SEMA5A: variants seen among roughly 807,000 people sequenced by gnomAD.
SEMA5A encodes semaphorin-5A.
A neutral mutation model predicts 135.5 loss-of-function variants in SEMA5A; 55 were observed. The ratio of observed to expected loss-of-function variants is 0.41; its 90% CI spans 0.33 to 0.51. The LOEUF is 0.51. Ranked by LOEUF, SEMA5A falls within the 20% of genes least tolerant of loss-of-function variation. The pLI, the probability that SEMA5A is intolerant of heterozygous loss-of-function variation, is 0.37. For synonymous variants in SEMA5A, 580 were observed against 546.5 expected, an observed-to-expected ratio of 1.06 and a Z score of -0.85; for missense variants, 1,290 against 1,419.9, an observed-to-expected ratio of 0.91 and a Z score of 1.47.
At chr5:9,383,143 A>C (rs936299062) in intron 2 of SEMA5A, among the ~76,000 whole-genome samples, 1 of 152,240 alleles carries the variant, frequency 6.6e-6, no homozygotes, top group Non-Finnish European at 1.5e-5. Context: ...CATTAAAACT[A>C]TGAGTTTCAC....
chr5:9,412,591 ATTTTTTT>A (rs201599831), intron 2 of SEMA5A, among the ~76,000 whole-genome samples: 1 of 110,362 alleles, frequency 9.1e-6, no homozygotes, highest in Non-Finnish European at 1.8e-5. Flanking sequence ...CAGATTTTGC[ATTTTTTT>A]TTTTTTTTTT....
At chr5:9,429,556 C>A (rs1328797472) in intron 2 of SEMA5A, among the ~76,000 whole-genome samples, 1 of 152,102 alleles carries the variant, frequency 6.6e-6, no homozygotes, top group Non-Finnish European at 1.5e-5. Context: ...AGCAATAAAG[C>A]AGAAAAGGAA....
intron 2 of SEMA5A, among the ~76,000 whole-genome samples, chr5:9,405,712 G>A (rs1291221179): frequency 6.6e-6 from 1 of 152,166 alleles, no homozygotes; most frequent in African/African-American, 2.4e-5. Flanking sequence ...CACAGCTAAT[G>A]GCCAATAATC....
At chr5:9,317,919 C>T (rs1752462338) in intron 5 of SEMA5A, among the ~76,000 whole-genome samples, 1 of 152,130 alleles carries the variant, frequency 6.6e-6, no homozygotes, top group Non-Finnish European at 1.5e-5. Context: ...ATCTATTTCC[C>T]TTTATTCTTT....
At chr5:9,064,861 A>G (rs1737379529) in intron 17 of SEMA5A, among the ~76,000 whole-genome samples, 2 of 152,192 alleles carry the variant, frequency 1.3e-5, no homozygotes, top group South Asian at 4.1e-4. Context: ...GATAACTGAA[A>G]CTTGCATTTA....
intron 16 of SEMA5A, among the ~76,000 whole-genome samples, chr5:9,098,736 C>T (rs535018335): frequency 2.5e-4 from 38 of 152,172 alleles, no homozygotes; most frequent in Non-Finnish European, 3.4e-4. Flanking sequence ...TAAATTGTGG[C>T]CATTTAGTAG....
At chr5:9,168,256 C>T (rs1397835034) in intron 11 of SEMA5A, among the ~76,000 whole-genome samples, 3 of 152,120 alleles carry the variant, frequency 2.0e-5, no homozygotes, top group African/African-American at 7.2e-5. Context: ...TCCCTGAGAC[C>T]GTGATTTGGG....
chr5:9,336,762 C>T (rs535861324), intron 4 of SEMA5A, among the ~76,000 whole-genome samples: 2 of 152,182 alleles, frequency 1.3e-5, no homozygotes, highest in African/African-American at 4.8e-5. Context: ...ATCTAGAGTG[C>T]CCAGACTATA....
At chr5:9,370,631 G>T (rs1579428253) in intron 3 of SEMA5A, among the ~76,000 whole-genome samples, 2 of 152,182 alleles carry the variant, frequency 1.3e-5, no homozygotes, top group African/African-American at 2.4e-5. Flanking sequence ...CAAATTTAAA[G>T]TGTTGATTAA....
rs1735947123 is a variant in SEMA5A, at chr5:9,041,181, A to AACAATATTCATTATTAAACATAGAAT, written c.*1690_*1715dup. Reference sequence around the variant, plus strand: ...GGGTATATGAGAATATTTTGAACTCAACAATATTCATTATTAAACATAGAA... The same window carrying AACAATATTCATTATTAAACATAGAAT: ...GGGTATATGAGAATATTTTGAACTCAACAATATTCATTATTAAACATAGAATACAATATTCATTATTAAACATAGAA... On this transcript the variant is annotated 3_prime_UTR_variant, in exon 23 of 23. Transcript: ENST00000382496. 1 of 152,242 alleles carries AACAATATTCATTATTAAACATAGAAT rather than the reference A, an allele frequency of 6.6e-6. No homozygotes were observed. The highest frequency in any genetic ancestry group is 2.4e-5 in the African/African-American group (1 of 41,458). 9.4% of individuals were successfully genotyped at this position (152,242 alleles called of 1,614,324 possible).
At chr5:9,484,322 C>T (rs1193695550) in intron 1 of SEMA5A, among the ~76,000 whole-genome samples, 1 of 152,150 alleles carries the variant, frequency 6.6e-6, no homozygotes, top group African/African-American at 2.4e-5. Context: ...TTTCCTTGGC[C>T]TCCCACAGTC....
intron 1 of SEMA5A, among the ~76,000 whole-genome samples, chr5:9,493,993 A>AT (rs1273899458): frequency 2.6e-5 from 4 of 152,142 alleles, no homozygotes; most frequent in Non-Finnish European, 5.9e-5. Context: ...TATTGTACCT[A>AT]TTTTTGGTAA....
At chr5:9,052,469 C>T (rs190908981) in intron 19 of SEMA5A, among the ~76,000 whole-genome samples, 10 of 152,306 alleles carry the variant, frequency 6.6e-5, no homozygotes, top group Admixed American at 5.2e-4. Context: ...CCACCTTCCT[C>T]TGTGCTCAGG....
At chr5:9,267,665 C>A (rs981257554) in intron 5 of SEMA5A, among the ~76,000 whole-genome samples, 1 of 152,096 alleles carries the variant, frequency 6.6e-6, no homozygotes, top group African/African-American at 2.4e-5. Context: ...TTTCTTCACT[C>A]TTCTTTCTGA....
At chr5:9,138,796 C>G (rs1203264557) in intron 12 of SEMA5A, among the ~76,000 whole-genome samples, 1 of 152,198 alleles carries the variant, frequency 6.6e-6, no homozygotes, top group Admixed American at 6.5e-5. Context: ...TCCATTGTGT[C>G]ATTCTTATGC....
At chr5:9,207,444 C>T (rs1457161144) in intron 8 of SEMA5A, among the ~76,000 whole-genome samples, 1 of 152,088 alleles carries the variant, frequency 6.6e-6, no homozygotes, top group African/African-American at 2.4e-5. Context: ...TTCAGCCTCC[C>T]AAAGTGCTGG....
intron 16 of SEMA5A, among the ~76,000 whole-genome samples, chr5:9,076,382 GTAAA>G (rs1008873940): frequency 3.9e-5 from 6 of 152,002 alleles, no homozygotes; most frequent in Non-Finnish European, 8.8e-5. Context: ...GAGAAATATA[GTAAA>G]TAGAGTTTGA....
intron 1 of SEMA5A, among the ~76,000 whole-genome samples, chr5:9,536,321 A>G (rs1266256072): frequency 1.3e-5 from 2 of 152,126 alleles, no homozygotes; most frequent in Non-Finnish European, 2.9e-5. Flanking sequence ...CCCTATGCAA[A>G]AAGACAGGAG....
intron 2 of SEMA5A, among the ~76,000 whole-genome samples, chr5:9,422,822 T>C (rs1456583572): frequency 6.6e-6 from 1 of 152,210 alleles, no homozygotes; most frequent in Admixed American, 6.5e-5. Context: ...GAATTATGTT[T>C]CTCATTCCAA....
Sources: gnomAD v4.1 joint callset for allele counts (sites outside exome capture counted in the v4.1 genomes callset) on GRCh38, gnomAD v4.1.1 for gene constraint, MANE v1.5 for transcripts, NCBI Gene and HGNC (gene_info 2026-07-23, HGNC 2026-07-21) for gene names.